The following CAMKMT variants were observed in gnomAD, a reference collection of about 807,000 sequenced individuals.
CAMKMT encodes calmodulin-lysine N-methyltransferase.
A neutral mutation model predicts 48.0 loss-of-function variants in CAMKMT; 53 were observed. That is an observed-to-expected ratio of 1.10 (90% CI 0.89 to 1.39). CAMKMT has a LOEUF of 1.39. Ranked by LOEUF, CAMKMT falls within the 40% of genes most tolerant of loss-of-function variation. The pLI, the probability that CAMKMT is intolerant of heterozygous loss-of-function variation, is 0.00. For synonymous variants in CAMKMT, 165 were observed against 152.3 expected (o/e 1.08, Z -0.61); for missense variants, 428 against 402.7 (o/e 1.06, Z -0.54).
At chr2:44,459,635 C>T (rs1162309982) in intron 3 of CAMKMT, among the ~76,000 whole-genome samples, 1 of 152,160 alleles carries the variant, frequency 6.6e-6, no homozygotes, top group Non-Finnish European at 1.5e-5. Context: ...TCCTTGATGG[C>T]TAATAGAGTA....
Position 44,524,955 on chromosome 2 carries a change from G to A in CAMKMT, c.376+134650G>A, listed in dbSNP as rs1182311448. 4.1e-5 allele frequency among the ~76,000 whole-genome samples: 5 copies of A among 121,884 alleles called. No individual in the cohort carries two copies. The East Asian group carries it at 6.2e-4, about 15-fold the overall frequency. 80.0% of individuals were successfully genotyped at this position (121,884 alleles called of 152,430 possible). Reference sequence around the variant, plus strand: ...GCAGTTTAAGAGCCTCTCCATAAGTGCAAATTTCATAAAAAAAAAAAAAAA... The same window carrying A: ...GCAGTTTAAGAGCCTCTCCATAAGTACAAATTTCATAAAAAAAAAAAAAAA... On this transcript the variant is annotated intron_variant, in intron 3 of 10. Coordinates refer to ENST00000378494, the MANE Select transcript of CAMKMT (RefSeq NM_024766.5).
intron 3 of CAMKMT, among the ~76,000 whole-genome samples, chr2:44,591,713 G>A (rs1346329481): frequency 6.6e-6 from 1 of 151,148 alleles, no homozygotes; most frequent in Admixed American, 6.6e-5. Flanking sequence ...CCATTACTGG[G>A]TATATACCCA....
intron 3 of CAMKMT, among the ~76,000 whole-genome samples, chr2:44,443,851 A>G (rs1666821482): frequency 6.6e-6 from 1 of 152,224 alleles, no homozygotes; most frequent in African/African-American, 2.4e-5. Flanking sequence ...AAAGCTTTAA[A>G]ATACTACTGA....
At chr2:44,437,999 C>T (rs1449737165) in intron 3 of CAMKMT, among the ~76,000 whole-genome samples, 1 of 151,998 alleles carries the variant, frequency 6.6e-6, no homozygotes, top group East Asian at 1.9e-4. Context: ...GTAAAAAATA[C>T]AGACAGCTTC....
At chr2:44,369,492 A>G (rs983087834) in intron 1 of CAMKMT, among the ~76,000 whole-genome samples, 4 of 152,220 alleles carry the variant, frequency 2.6e-5, no homozygotes, top group African/African-American at 9.7e-5. Context: ...TTAAGTGCTT[A>G]CAAAATCACT....
intron 3 of CAMKMT, among the ~76,000 whole-genome samples, chr2:44,632,257 A>G (rs1672875598): frequency 6.6e-6 from 1 of 152,150 alleles, no homozygotes; most frequent in African/African-American, 2.4e-5. Context: ...TGCTAGTAAT[A>G]TCATCTTTTG....
At chr2:44,555,136 C>T (rs1487916970) in intron 3 of CAMKMT, among the ~76,000 whole-genome samples, 2 of 151,992 alleles carry the variant, frequency 1.3e-5, no homozygotes, top group Admixed American at 6.6e-5. Context: ...ATTACACAGT[C>T]GTGTCTGAAA....
At chr2:44,704,423 C>A in intron 4 of CAMKMT, 80 bp downstream of exon 4, 2 of 907,582 alleles carry the variant, frequency 2.2e-6, no homozygotes, top group South Asian at 2.2e-5. Context: ...TGATTATATT[C>A]TTCAAATTAA....
chr2:44,576,811 C>T (rs921892394), intron 3 of CAMKMT, among the ~76,000 whole-genome samples: 4 of 152,160 alleles, frequency 2.6e-5, no homozygotes, highest in African/African-American at 9.7e-5. Flanking sequence ...TTTAAAAATG[C>T]AACTCAAAAG....
chr2:44,680,202 C>T (rs908944850), intron 3 of CAMKMT, among the ~76,000 whole-genome samples: 2 of 152,170 alleles, frequency 1.3e-5, no homozygotes, highest in Admixed American at 1.3e-4. Context: ...GTAGTTCCCT[C>T]ATTTCCTCCT....
At chr2:44,595,284 CAG>C (rs1192627770) in intron 3 of CAMKMT, among the ~76,000 whole-genome samples, 1 of 151,804 alleles carries the variant, frequency 6.6e-6, no homozygotes, top group Admixed American at 6.6e-5. Flanking sequence ...CCATTTGACC[CAG>C]CAATCCCGTT....
At chr2:44,661,592 G>A in intron 3 of CAMKMT, among the ~76,000 whole-genome samples, 1 of 152,108 alleles carries the variant, frequency 6.6e-6, no homozygotes, top group Non-Finnish European at 1.5e-5. Context: ...TAAGACTAAG[G>A]ATGGCAGCTG....
intron 3 of CAMKMT, among the ~76,000 whole-genome samples, chr2:44,518,753 C>G (rs557303735): frequency 8.5e-5 from 13 of 152,250 alleles, no homozygotes; most frequent in Admixed American, 2.6e-4. Context: ...ATGTATATTT[C>G]TGATGGATGG....
chr2:44,646,221 T>C (rs1311325539), intron 3 of CAMKMT, among the ~76,000 whole-genome samples: 1 of 152,188 alleles, frequency 6.6e-6, no homozygotes, highest in Non-Finnish European at 1.5e-5. Context: ...AGTTTAGCAT[T>C]TCTAGTTTGT....
intron 3 of CAMKMT, among the ~76,000 whole-genome samples, chr2:44,655,640 C>T (rs1674338127): frequency 6.6e-6 from 1 of 152,116 alleles, no homozygotes; most frequent in Admixed American, 6.5e-5. Context: ...CAGGCAAGGC[C>T]ACTCTAGAAA....
intron 3 of CAMKMT, among the ~76,000 whole-genome samples, chr2:44,622,433 A>C (rs1167440250): frequency 6.6e-6 from 1 of 152,160 alleles, no homozygotes; most frequent in African/African-American, 2.4e-5. Context: ...GTACACTTGA[A>C]CCCATCACCC....
chr2:44,751,660 C>T (rs1680159328), intron 8 of CAMKMT, among the ~76,000 whole-genome samples: 1 of 152,172 alleles, frequency 6.6e-6, no homozygotes, highest in Non-Finnish European at 1.5e-5. Context: ...ACTGTAACCT[C>T]CGTAAGGACA....
Position 44,618,230 on chromosome 2 carries a change from G to A in CAMKMT, c.377-86053G>A, listed in dbSNP as rs76151164. On this transcript the variant is annotated intron_variant, in intron 3 of 10. Coordinates refer to ENST00000378494, the MANE Select transcript of CAMKMT (RefSeq NM_024766.5). This position sits in a 1 kb window ranked among gnomAD's most constrained non-coding sequence, Gnocchi z 4.0. ...TTGGGTAGCTCTCAGATTATTGAGTGACAAACTTTATTGAATTTGACTTAA... is the reference window on the plus strand; with the variant it reads ...TTGGGTAGCTCTCAGATTATTGAGTAACAAACTTTATTGAATTTGACTTAA... 0.028 allele frequency among the ~76,000 whole-genome samples: 4,281 copies of A among 152,294 alleles called. 198 individuals carry two copies. Among genetic ancestry groups the A allele is most frequent in the African/African-American group, 0.097 (4,050 of 41,544 alleles).
intron 3 of CAMKMT, among the ~76,000 whole-genome samples, chr2:44,557,834 G>A (rs910091843): frequency 1.3e-5 from 2 of 151,984 alleles, no homozygotes; most frequent in African/African-American, 4.8e-5. Flanking sequence ...ATAAGGAATA[G>A]ACAAAGAAGG....
Sources: gnomAD v4.1 joint callset for allele counts (sites outside exome capture counted in the v4.1 genomes callset) on GRCh38, gnomAD v4.1.1 for gene constraint, Gnocchi (gnomAD v3.1) non-coding constraint, MANE v1.5 for transcripts, NCBI Gene and HGNC (gene_info 2026-07-23, HGNC 2026-07-21) for gene names.